The following CSMD1 variants were observed in gnomAD, a reference collection of about 807,000 sequenced individuals.
The protein encoded by CSMD1 is CUB and Sushi multiple domains 1.
Under a neutral mutation model 417.5 loss-of-function variants are expected in CSMD1, and 213 were observed. The observed-to-expected ratio is 0.51, with a 90% CI of 0.46 to 0.57. CSMD1 has a LOEUF of 0.57. CSMD1 is among the 20% of genes least tolerant of loss of function. The pLI is 0.00. For missense variants in CSMD1, 6,923 were observed against 4,529.7 expected (o/e 1.53, Z -15.17); for synonymous variants, 2,862 against 1,736.8 (o/e 1.65, Z -16.11).
intron 27 of CSMD1, among the ~76,000 whole-genome samples, chr8:3,229,491 C>T (rs1444232771): frequency 1.3e-5 from 2 of 152,134 alleles, no homozygotes; most frequent in African/African-American, 4.8e-5. Context: ...TCTGCAAAAT[C>T]ATTTGTTATC....
intron 26 of CSMD1, among the ~76,000 whole-genome samples, chr8:3,246,996 T>C (rs979588656): frequency 4.6e-5 from 7 of 152,356 alleles, no homozygotes; most frequent in South Asian, 2.1e-4. Flanking sequence ...GCAAGAGTTA[T>C]TACCTTTGTG....
At chr8:2,951,014 A>C in intron 66 of CSMD1, 100 bp downstream of exon 66, 1 of 1,204,000 alleles carries the variant, frequency 8.3e-7, no homozygotes, top group Non-Finnish European at 1.1e-6. Flanking sequence ...CCAACAGAAC[A>C]GTAATAAGTA....
chr8:4,306,591 C>T (rs1406201604), intron 3 of CSMD1, among the ~76,000 whole-genome samples: 3 of 152,114 alleles, frequency 2.0e-5, no homozygotes, highest in Non-Finnish European at 4.4e-5. Context: ...TATTAAGCAT[C>T]CTGATGCTTT....
chr8:4,902,150 C>T (rs142399527), intron 1 of CSMD1, among the ~76,000 whole-genome samples: 91 of 152,168 alleles, frequency 6.0e-4, no homozygotes, highest in African/African-American at 2.1e-3. Flanking sequence ...AGAAAAATGC[C>T]TGTCAACCCA....
At chr8:4,343,119 T>A (rs1307399347) in intron 3 of CSMD1, among the ~76,000 whole-genome samples, 1 of 152,062 alleles carries the variant, frequency 6.6e-6, no homozygotes, top group Non-Finnish European at 1.5e-5. Context: ...TTTATAACTC[T>A]CCAAAACATA....
rs1243665466 is a variant in CSMD1 at position 3,237,790 on chromosome 8, ACAAG to A, written c.4154-7563_4154-7560del. 3.8e-4 allele frequency among the ~76,000 whole-genome samples: 41 copies of A among 108,602 alleles called. 8 individuals carry two copies. Among genetic ancestry groups the A allele is most frequent in the East Asian group, 1.0e-3 (4 of 3,896 alleles). 71.2% of individuals were successfully genotyped at this position (108,602 alleles called of 152,430 possible). ...TAATTTTTATAATTATACTTATACT[ACAAG>A]TATAATTTTTATAATTATACTTATA... On this transcript the variant is annotated intron_variant, in intron 26 of 69. Transcript: ENST00000635120.
intron 25 of CSMD1, among the ~76,000 whole-genome samples, chr8:3,297,524 G>T (rs1046829313): frequency 7.2e-5 from 11 of 152,102 alleles, no homozygotes; most frequent in Admixed American, 7.2e-4. Flanking sequence ...AGATCTAGTT[G>T]TCTCGTTAAT....
chr8:4,515,791 G>A (rs1199773726), intron 2 of CSMD1, among the ~76,000 whole-genome samples: 2 of 152,158 alleles, frequency 1.3e-5, no homozygotes, highest in South Asian at 4.1e-4. Context: ...GCCAAAGACG[G>A]CCTGTGTGCA....
At chr8:3,321,706 T>G (rs1004522082) in intron 23 of CSMD1, among the ~76,000 whole-genome samples, 4 of 152,220 alleles carry the variant, frequency 2.6e-5, no homozygotes, top group Non-Finnish European at 5.9e-5. Context: ...CTGTAAGTGC[T>G]TTTGATTCAA....
chr8:4,318,123 T>C (rs926987103), intron 3 of CSMD1, among the ~76,000 whole-genome samples: 2 of 152,170 alleles, frequency 1.3e-5, no homozygotes, highest in African/African-American at 4.8e-5. Context: ...CAAAATTTTA[T>C]GCAACTACAT....
Position 3,865,739 on chromosome 8 carries a change from T to A in CSMD1, c.819-111697A>T, listed in dbSNP as rs577913325. Among the ~76,000 whole-genome samples the A allele has an allele frequency of 1.8e-3, 277 of 152,298 alleles. 1 individual carries two copies. The highest frequency in any genetic ancestry group is 1.7e-3 in the Non-Finnish European group (114 of 68,026). ...ACAAAATCTCCATTCACAGCTTACA[T>A]GCTAATGGAGTAATGCTATTTGCTA... On this transcript the variant is annotated intron_variant, in intron 5 of 69. Coordinates refer to ENST00000635120, the MANE Select transcript of CSMD1 (RefSeq NM_033225.6).
chr8:4,206,585 T>C (rs185920163), intron 3 of CSMD1, among the ~76,000 whole-genome samples: 50 of 152,354 alleles, frequency 3.3e-4, no homozygotes, highest in African/African-American at 1.0e-3. Flanking sequence ...CAGTCTATCA[T>C]TGATGGACAT....
intron 23 of CSMD1, among the ~76,000 whole-genome samples, chr8:3,339,641 T>C (rs1049933435): frequency 2.0e-5 from 3 of 152,214 alleles, no homozygotes; most frequent in Non-Finnish European, 4.4e-5. Context: ...TATCCAATGC[T>C]TCTGTTACTT....
chr8:3,544,216 A>C (rs1798562146), intron 10 of CSMD1, among the ~76,000 whole-genome samples: 2 of 152,152 alleles, frequency 1.3e-5, no homozygotes, highest in Non-Finnish European at 2.9e-5. Context: ...GATAACGTTT[A>C]CTAAACAGAC....
At chr8:3,988,515 T>G (rs563058518) in intron 5 of CSMD1, among the ~76,000 whole-genome samples, 1 of 152,206 alleles carries the variant, frequency 6.6e-6, no homozygotes, top group Non-Finnish European at 1.5e-5. Flanking sequence ...AGCTGAACGA[T>G]TGTCAGAAAC....
In CSMD1 at chr8:4,333,271, C is replaced by T. The variant is rs10108270; in HGVS notation, c.415+86682G>A. 5.3e-5 allele frequency among the ~76,000 whole-genome samples: 8 copies of T among 151,974 alleles called. No individual in the cohort carries two copies. The East Asian group carries it at 7.8e-4, about 15-fold the overall frequency. On this transcript the variant is annotated intron_variant, in intron 3 of 69. Coordinates refer to ENST00000635120, the MANE Select transcript of CSMD1 (RefSeq NM_033225.6). ...ACAATTCTATTAAAGCCAATCCTGA[C>T]GCTAAGTCCTCACCTGAAAGAAGCG...
At chr8:4,433,488 C>G (rs185312330) in intron 2 of CSMD1, among the ~76,000 whole-genome samples, 3 of 152,318 alleles carry the variant, frequency 2.0e-5, no homozygotes, top group Admixed American at 6.5e-5. Context: ...CAAGCGCGGC[C>G]AAGTGTTTCC....
At chr8:4,801,947 G>C (rs938414010) in intron 1 of CSMD1, among the ~76,000 whole-genome samples, 9 of 152,124 alleles carry the variant, frequency 5.9e-5, no homozygotes, top group Non-Finnish European at 7.4e-5. Context: ...GGTACATTTT[G>C]ATCATCTCTT....
At chr8:4,070,916 G>A (rs1799522048) in intron 3 of CSMD1, among the ~76,000 whole-genome samples, 1 of 152,142 alleles carries the variant, frequency 6.6e-6, no homozygotes, top group Non-Finnish European at 1.5e-5. Flanking sequence ...CTTTAATGAT[G>A]TTGTTTTCTA....
Sources: gnomAD v4.1 joint callset for allele counts (sites outside exome capture counted in the v4.1 genomes callset) on GRCh38, gnomAD v4.1.1 for gene constraint, MANE v1.5 for transcripts, NCBI Gene and HGNC (gene_info 2026-07-23, HGNC 2026-07-21) for gene names.